PRMT8: variants seen among roughly 807,000 people sequenced by gnomAD.
The protein encoded by PRMT8 is protein arginine N-methyltransferase 8.
Under a neutral mutation model 47.1 loss-of-function variants are expected in PRMT8, and 7 were observed. The observed-to-expected ratio is 0.15, with a 90% CI of 0.08 to 0.28. PRMT8 has a LOEUF of 0.28. Among genes scored for constraint, PRMT8 ranks in the 10% least tolerant of loss-of-function variants. PRMT8 has a pLI of 1.00. For synonymous variants in PRMT8, 188 were observed against 186.5 expected (o/e 1.01, Z -0.07); for missense variants, 237 against 505.4 (o/e 0.47, Z 5.09).
At chr12:3,546,239 A>C (rs956281735) in intron 2 of PRMT8, among the ~76,000 whole-genome samples, 1 of 152,220 alleles carries the variant, frequency 6.6e-6, no homozygotes, top group African/African-American at 2.4e-5. Flanking sequence ...CTTATGGGGA[A>C]AAAAAGTCAT....
At chr12:3,392,507 C>T (rs1864203305) in intron 1 of PRMT8, among the ~76,000 whole-genome samples, 1 of 151,276 alleles carries the variant, frequency 6.6e-6, no homozygotes, top group Non-Finnish European at 1.5e-5. Flanking sequence ...TGATGATTTC[C>T]AGTTTCATCC....
rs770591010 is a variant in PRMT8, at chr12:3,426,992, C to T, written c.48+45550C>T. 2.2e-4 allele frequency among the ~76,000 whole-genome samples: 34 copies of T among 152,008 alleles called. 1 individual carries two copies. The highest frequency in any genetic ancestry group is 4.7e-4 in the Non-Finnish European group (32 of 68,016). On this transcript the variant is annotated intron_variant, in intron 1 of 9. Coordinates refer to the PRMT8 transcript ENST00000452611. ...TTCTAGGGGTGGTGCATGTGCTAAA[C>T]CAAGTATATAATTTTTAAGAAATTG...
chr12:3,538,365 C>T lies in PRMT8; in HGVS notation c.76-2241C>T, dbSNP rs3741939. 0.019 allele frequency: 5,229 copies of T among 277,644 alleles called. 75 individuals are homozygous for T. The highest frequency in any genetic ancestry group is 0.058 in the Middle Eastern group (44 of 758). 17.2% of individuals were successfully genotyped at this position (277,644 alleles called of 1,614,324 possible). The stretch of plus-strand genomic sequence containing the variant: ...AGTTCCCACACGTCTATTTCTTCCA[C>T]AGGACCTGCACGCTGCCTTGCTGTT... On this transcript the variant is annotated intron_variant, in intron 1 of 9. Transcript: ENST00000382622. This position sits in a 1 kb window ranked among gnomAD's most constrained non-coding sequence, Gnocchi z 4.6.
In PRMT8 at chr12:3,583,077, T is replaced by C; in HGVS notation, c.848T>C (p.Val283Ala). ...CTGCAGGAGGTGGACATTTACACAGTGAAGACGGAAGAGCTATCGTTCACA... is the reference window on the plus strand; with the variant it reads ...CTGCAGGAGGTGGACATTTACACAGCGAAGACGGAAGAGCTATCGTTCACA... Reference protein sequence around the residue: ...CLIKEVDIYTVKTEELSFTSA... With the variant: ...CLIKEVDIYTAKTEELSFTSA... The change falls in exon 8 of 10, where the codon GTG becomes GCG. Residue 283 changes from valine to alanine, a missense_variant. Val to Ala is a moderately conservative substitution (Grantham distance 64, BLOSUM62 0). Transcript: ENST00000382622. This position sits in a 1 kb window ranked among gnomAD's most constrained non-coding sequence, Gnocchi z 4.7. 1 of 1,614,010 alleles carries C rather than the reference T, an allele frequency of 6.2e-7. No individual in the cohort carries two copies. The highest frequency in any genetic ancestry group is 8.5e-7 in the Non-Finnish European group (1 of 1,179,976).
rs578068229 is a variant in PRMT8, at chr12:3,440,203, G to C, written c.48+58761G>C. 3.0e-4 allele frequency among the ~76,000 whole-genome samples: 46 copies of C among 152,304 alleles called. No homozygotes were observed. The South Asian group carries it at 9.3e-3, about 31-fold the overall frequency. ...AGGCCGGGCGTGGTGGCTCACGCCT[G>C]TAATCCCAGCACTTTGGGAGGTTGA... On this transcript the variant is annotated intron_variant, in intron 1 of 9. Coordinates refer to the PRMT8 transcript ENST00000452611.
intron 1 of PRMT8, among the ~76,000 whole-genome samples, chr12:3,527,585 T>C (rs1045951342): frequency 3.3e-5 from 5 of 152,164 alleles, no homozygotes; most frequent in African/African-American, 1.2e-4. Context: ...TTCAACGATA[T>C]ATCACCATTC....
intron 1 of PRMT8, among the ~76,000 whole-genome samples, chr12:3,402,133 AC>A (rs1329475223): frequency 0.012 from 1,594 of 133,846 alleles, 38 homozygotes; most frequent in African/African-American, 0.05. Context: ...AAGAACAAAC[AC>A]TGACTAGTGG....
In PRMT8 at chr12:3,413,679, C is replaced by T. The variant is rs990316055; in HGVS notation, c.48+32237C>T. Among the ~76,000 whole-genome samples the T allele has an allele frequency of 3.9e-5, 6 of 152,116 alleles. 1 individual carries two copies. Among genetic ancestry groups the T allele is most frequent in the African/African-American group, 4.8e-5 (2 of 41,428 alleles). ...ACTAGGAGATAGAAATTATTCAGTT[C>T]CATTGTAGTCTTGTGGGACTACCAT... is the stretch of plus-strand genomic sequence containing the variant. On this transcript the variant is annotated intron_variant, in intron 1 of 9. Coordinates refer to the PRMT8 transcript ENST00000452611.
At position 3,569,956 on chromosome 12, in the gene PRMT8, GC is replaced by G. The variant is rs1415256050; in HGVS notation, c.712+394del. ...TCTGAAGTAGCAGGTCTCTTGCCAGGCCAATTGTTTTGAATCCTGCCTCCAT... is the reference window on the plus strand; with the variant it reads ...TCTGAAGTAGCAGGTCTCTTGCCAGGCAATTGTTTTGAATCCTGCCTCCAT... On this transcript the variant is annotated intron_variant, in intron 6 of 9. Coordinates refer to ENST00000382622, the MANE Select transcript of PRMT8 (RefSeq NM_019854.5). The surrounding 1 kb of genome is among the most constrained non-coding windows in gnomAD (Gnocchi z 8.2). 1.3e-5 allele frequency among the ~76,000 whole-genome samples: 2 copies of G among 152,268 alleles called. No homozygotes were observed. The highest frequency in any genetic ancestry group is 4.8e-5 in the African/African-American group (2 of 41,548).
At chr12:3,575,601 T>G (rs560258856) in intron 6 of PRMT8, among the ~76,000 whole-genome samples, 116 of 152,312 alleles carry the variant, frequency 7.6e-4, no homozygotes, top group Middle Eastern at 3.4e-3. Flanking sequence ...CCAGATATTA[T>G]ATGAGAGCCA....
chr12:3,457,081 T>C (rs146871482), intron 1 of PRMT8, among the ~76,000 whole-genome samples: 1 of 152,164 alleles, frequency 6.6e-6, no homozygotes, highest in Non-Finnish European at 1.5e-5. Context: ...TGTTTTGTTT[T>C]GTTTTGTTTG....
intron 1 of PRMT8, among the ~76,000 whole-genome samples, chr12:3,495,434 G>C (rs1865490494): frequency 6.6e-6 from 1 of 152,162 alleles, no homozygotes. Context: ...CCCTCTGCCT[G>C]TGCCGGTCTT....
chr12:3,426,641 C>G (rs540444050), intron 1 of PRMT8, among the ~76,000 whole-genome samples: 1 of 151,998 alleles, frequency 6.6e-6, no homozygotes, highest in African/African-American at 2.4e-5. Flanking sequence ...TAGTTTGAGG[C>G]GAAATTGACT....
intron 1 of PRMT8, among the ~76,000 whole-genome samples, chr12:3,480,515 A>G (rs1035994612): frequency 1.3e-5 from 2 of 152,192 alleles, no homozygotes; most frequent in Non-Finnish European, 2.9e-5. Flanking sequence ...TTAAGGGCAG[A>G]AGCATACCTT....
intron 1 of PRMT8, among the ~76,000 whole-genome samples, chr12:3,454,965 A>AT (rs2137083333): frequency 6.6e-6 from 1 of 152,288 alleles, no homozygotes; most frequent in African/African-American, 2.4e-5. Context: ...GCACCAAAGA[A>AT]TGCAGTTTCT....
At chr12:3,399,842 A>G (rs1400424288) in intron 1 of PRMT8, among the ~76,000 whole-genome samples, 1 of 152,246 alleles carries the variant, frequency 6.6e-6, no homozygotes, top group Non-Finnish European at 1.5e-5. Flanking sequence ...GGGGAAGGGC[A>G]TAGGCTAGAG....
chr12:3,467,033 C>T (rs910591633), intron 1 of PRMT8, among the ~76,000 whole-genome samples: 5 of 151,894 alleles, frequency 3.3e-5, no homozygotes, highest in Non-Finnish European at 7.4e-5. Flanking sequence ...GTCAGGAGAT[C>T]GAGACCATCT....
chr12:3,395,059 C>G (rs1864234735), intron 1 of PRMT8, among the ~76,000 whole-genome samples: 1 of 151,280 alleles, frequency 6.6e-6, no homozygotes, highest in Non-Finnish European at 1.5e-5. Context: ...GTGGTGATAT[C>G]CCCTTTATCA....
intron 1 of PRMT8, among the ~76,000 whole-genome samples, chr12:3,408,902 A>G (rs969052087): frequency 2.6e-5 from 4 of 152,208 alleles, no homozygotes; most frequent in African/African-American, 9.7e-5. Flanking sequence ...GCAGCAGTGT[A>G]TGCTGTTCTT....
Sources: gnomAD v4.1 joint callset for allele counts (sites outside exome capture counted in the v4.1 genomes callset) on GRCh38, gnomAD v4.1.1 for gene constraint, Gnocchi (gnomAD v3.1) non-coding constraint, MANE v1.5 for transcripts, NCBI Gene and HGNC (gene_info 2026-07-23, HGNC 2026-07-21) for gene names.